CFAP54: variants seen among roughly 807,000 people sequenced by gnomAD.
CFAP54 encodes the protein cilia- and flagella-associated protein 54.
CFAP54 carries 290 observed loss-of-function variants against 370.4 expected under a neutral mutation model. The ratio of observed to expected loss-of-function variants is 0.78; its 90% CI spans 0.71 to 0.86. The LOEUF (loss-of-function observed/expected upper bound fraction) is 0.86, where lower values mean the gene tolerates loss of function less well. Ranked by LOEUF, CFAP54 falls within the 40% of genes least tolerant of loss-of-function variation. The probability of loss-of-function intolerance (pLI) is 0.00; values close to 1 mark genes in which losing one functional copy is unlikely to be tolerated. For missense variants in CFAP54, 3,399 were observed against 3,528.7 expected (o/e 0.96, Z 0.93); for synonymous variants, 1,206 against 1,236.5 (o/e 0.98, Z 0.52).
Position 96,786,711 on chromosome 12 carries a change from A to T in CFAP54, c.8492A>T (p.Asp2831Val). The T allele has an allele frequency of 6.5e-7, 1 of 1,535,418 alleles. No homozygotes were observed. Among genetic ancestry groups the T allele is most frequent in the South Asian group, 1.2e-5 (1 of 83,798 alleles). The stretch of plus-strand genomic sequence containing the variant: ...CCAGTATCTGGAATTTCTTTGCCAG[A>T]TGATACACTTCTCACATCCCTTTAC... The part of the protein sequence containing the change: ...ATPVSGISLP[D>V]DTLLTSLYNS... The change falls in exon 62 of 68, where the codon GAT (aspartate) becomes GTT (valine). Residue 2831 changes from aspartate to valine, a missense_variant. Around this residue, in one of 3 missense-constraint regions of CFAP54, gnomAD observed 2,796 missense variants for 2,869.7 expected, o/e 0.97. Transcript: ENST00000524981.
chr12:96,551,635 T>G (rs1316499720), intron 15 of CFAP54, among the ~76,000 whole-genome samples: 1 of 152,068 alleles, frequency 6.6e-6, no homozygotes, highest in East Asian at 1.9e-4. Context: ...GGAAAACATG[T>G]GACTACTTCA....
intron 48 of CFAP54, among the ~76,000 whole-genome samples, chr12:96,710,792 TG>T (rs1202970698): frequency 6.6e-6 from 1 of 152,126 alleles, no homozygotes; most frequent in Non-Finnish European, 1.5e-5. Flanking sequence ...CCTGGGTAAC[TG>T]GGATTACAGG....
rs1226652447 is a variant in CFAP54 at position 96,727,123 on chromosome 12, G to A, written c.6965+6558G>A. 4.6e-5 allele frequency among the ~76,000 whole-genome samples: 7 copies of A among 151,918 alleles called. No homozygotes were observed. The East Asian group carries it at 1.4e-3, about 30-fold the overall frequency. Reference sequence around the variant, plus strand: ...ATGTGGTCAATTTTGGAATAGGTGTGGTGTGGTGCTGAAAAAAATGTATAT... The same window carrying A: ...ATGTGGTCAATTTTGGAATAGGTGTAGTGTGGTGCTGAAAAAAATGTATAT... On this transcript the variant is annotated intron_variant, in intron 50 of 67. Transcript: ENST00000524981.
intron 47 of CFAP54, among the ~76,000 whole-genome samples, chr12:96,706,819 C>T (rs1460179682): frequency 2.0e-5 from 3 of 151,488 alleles, no homozygotes; most frequent in South Asian, 2.1e-4. Context: ...TGTGTGCGCA[C>T]GTGTGTGTGT....
At chr12:96,500,338 G>A (rs1955012310) in intron 1 of CFAP54, among the ~76,000 whole-genome samples, 1 of 152,162 alleles carries the variant, frequency 6.6e-6, no homozygotes, top group African/African-American at 2.4e-5. Flanking sequence ...AGGATTTTTA[G>A]GATAGTGAAT....
chr12:96,768,454 A>G (rs907917567), intron 60 of CFAP54, among the ~76,000 whole-genome samples: 51 of 152,162 alleles, frequency 3.4e-4, no homozygotes, highest in Non-Finnish European at 6.5e-4. Flanking sequence ...GGAGTTCAAG[A>G]CCAGCCTGGC....
chr12:96,493,337 CACAA>C (rs1954907757), intron 1 of CFAP54, among the ~76,000 whole-genome samples: 1 of 152,300 alleles, frequency 6.6e-6, no homozygotes, highest in African/African-American at 2.4e-5. Context: ...TTAGTCAATT[CACAA>C]ACAACAAATG....
chr12:96,596,896 T>C (rs1289276516), intron 25 of CFAP54, among the ~76,000 whole-genome samples: 1 of 151,956 alleles, frequency 6.6e-6, no homozygotes, highest in Non-Finnish European at 1.5e-5. Context: ...CAAATCCAAG[T>C]GAGTGAGAAA....
At chr12:96,795,182 T>C (rs569628527) in intron 63 of CFAP54, among the ~76,000 whole-genome samples, 1 of 152,268 alleles carries the variant, frequency 6.6e-6, no homozygotes, top group East Asian at 1.9e-4. Flanking sequence ...TCCTTGATTG[T>C]ATTTTTTTTA....
intron 60 of CFAP54, among the ~76,000 whole-genome samples, chr12:96,772,737 A>G (rs1211479538): frequency 6.6e-6 from 1 of 152,044 alleles, no homozygotes; most frequent in East Asian, 1.9e-4. Context: ...CTCCTGCCTC[A>G]GCCTTCTGAG....
chr12:96,794,790 T>A (rs1304966918), intron 63 of CFAP54, among the ~76,000 whole-genome samples: 1 of 152,262 alleles, frequency 6.6e-6, no homozygotes, highest in East Asian at 1.9e-4. Context: ...GCCAGAGGGA[T>A]CTTCTGGGGG....
At chr12:96,761,346 C>A (rs1958334481) in intron 58 of CFAP54, among the ~76,000 whole-genome samples, 1 of 151,860 alleles carries the variant, frequency 6.6e-6, no homozygotes, top group African/African-American at 2.4e-5. Context: ...TGAGAGTTTT[C>A]TTTTTTAAAA....
intron 36 of CFAP54, among the ~76,000 whole-genome samples, chr12:96,655,755 C>A (rs1956914868): frequency 1.3e-5 from 2 of 151,704 alleles, no homozygotes; most frequent in Admixed American, 6.6e-5. Context: ...AATGTTTGGA[C>A]CTTATTTTAA....
At chr12:96,629,097 G>T (rs1351166455) in intron 30 of CFAP54, among the ~76,000 whole-genome samples, 1 of 152,108 alleles carries the variant, frequency 6.6e-6, no homozygotes, top group Non-Finnish European at 1.5e-5. Flanking sequence ...TCTGTTGGAA[G>T]CAAGGAAGCT....
At chr12:96,786,346 A>G (rs1367621231) in intron 61 of CFAP54, among the ~76,000 whole-genome samples, 1 of 151,888 alleles carries the variant, frequency 6.6e-6, no homozygotes, top group African/African-American at 2.4e-5. Context: ...ATGCCCAGCT[A>G]ATTTTTATAT....
chr12:96,513,881 G>A lies in CFAP54; in HGVS notation c.798+837G>A, dbSNP rs117421346. Among the ~76,000 whole-genome samples, 118 of 152,264 alleles carry A rather than the reference G, an allele frequency of 7.7e-4. No individual in the cohort carries two copies. The East Asian group carries it at 9.4e-3, about 12-fold the overall frequency. ...TCCACTTCTGGCCTGCATGCTAATC[G>A]GGTGAATGCACACTTAAACTCTAAC... On this transcript the variant is annotated intron_variant, in intron 5 of 67. Transcript: ENST00000524981.
intron 4 of CFAP54, among the ~76,000 whole-genome samples, chr12:96,510,242 G>A: frequency 8.2e-6 from 1 of 122,620 alleles, no homozygotes. Context: ...AACAGAGCAA[G>A]ACTCCATCTC....
At chr12:96,788,673 T>TA (rs1565978583) in intron 62 of CFAP54, among the ~76,000 whole-genome samples, 4 of 149,328 alleles carry the variant, frequency 2.7e-5, no homozygotes, top group Non-Finnish European at 5.9e-5. Flanking sequence ...ATTTTTTTTT[T>TA]TAAAAATCAC....
In CFAP54 at chr12:96,549,124, G is replaced by T. The variant is rs370873200; in HGVS notation, c.2154+1146G>T. On this transcript the variant is annotated intron_variant, in intron 15 of 67. Coordinates refer to ENST00000524981, the MANE Select transcript of CFAP54 (RefSeq NM_001306084.2). Reference sequence around the variant, plus strand: ...CCACCTCGGCCTCCCAAAGTGCTGGGATTACAGGTGTGAGCTACTGTGCCT... The same window carrying T: ...CCACCTCGGCCTCCCAAAGTGCTGGTATTACAGGTGTGAGCTACTGTGCCT... 8.5e-5 allele frequency among the ~76,000 whole-genome samples: 13 copies of T among 152,312 alleles called. 1 individual carries two copies. Among genetic ancestry groups the T allele is most frequent in the South Asian group, 4.1e-4 (2 of 4,822 alleles).
Sources: gnomAD v4.1 joint callset for allele counts (sites outside exome capture counted in the v4.1 genomes callset) on GRCh38, gnomAD v4.1.1 for gene constraint, gnomAD v4.1.1 regional missense constraint, MANE v1.5 for transcripts, NCBI Gene and HGNC (gene_info 2026-07-23, HGNC 2026-07-21) for gene names.